The following ALK variants were observed in gnomAD, a reference collection of about 807,000 sequenced individuals.
ALK encodes the protein ALK receptor tyrosine kinase, also known as ALK tyrosine kinase receptor.
Under a neutral mutation model 163.1 loss-of-function variants are expected in ALK, and 74 were observed. That is an observed-to-expected ratio of 0.45 (90% confidence interval 0.38 to 0.55). The LOEUF (loss-of-function observed/expected upper bound fraction) is 0.55, where lower values mean the gene tolerates loss of function less well. ALK is among the 20% of genes least tolerant of loss of function. ALK has a pLI of 0.00. For synonymous variants in ALK, 960 were observed against 843.2 expected (o/e 1.14, Z -2.40); for missense variants, 2,063 against 2,105.3 (o/e 0.98, Z 0.39).
At chr2:29,778,135 C>A (rs1168501952) in intron 1 of ALK, among the ~76,000 whole-genome samples, 1 of 152,186 alleles carries the variant, frequency 6.6e-6, no homozygotes, top group Non-Finnish European at 1.5e-5. Context: ...GACAGGACAA[C>A]AAGTCTAGGA....
chr2:29,286,300 T>C (rs377384772), intron 9 of ALK: 2 of 152,316 alleles, frequency 1.3e-5, no homozygotes, highest in East Asian at 1.9e-4. Flanking sequence ...AGGCTTAATA[T>C]ATGTTTGCCG....
intron 3 of ALK, among the ~76,000 whole-genome samples, chr2:29,544,830 G>A (rs143350393): frequency 4.8e-4 from 73 of 152,132 alleles, no homozygotes; most frequent in African/African-American, 1.6e-3. Context: ...TCAGAATGTC[G>A]TAACTAGACA....
rs2631945 is a variant in ALK, at chr2:29,763,275, C to G, written c.668-45578G>C. Among the ~76,000 whole-genome samples, 726 of 152,052 alleles carry G rather than the reference C, an allele frequency of 4.8e-3. 1 individual carries two copies. The highest frequency in any genetic ancestry group is 7.2e-3 in the Non-Finnish European group (487 of 67,982). ...GTTGCTTTGAGGAGTACATGAAATGCATGGTATCAGTATAGAATGAGGCCC... is the reference window on the plus strand; with the variant it reads ...GTTGCTTTGAGGAGTACATGAAATGGATGGTATCAGTATAGAATGAGGCCC... On this transcript the variant is annotated intron_variant, in intron 1 of 28. Coordinates refer to ENST00000389048, the MANE Select transcript of ALK (RefSeq NM_004304.5).
intron 8 of ALK, among the ~76,000 whole-genome samples, chr2:29,300,554 CAAAAA>C (rs10715550): frequency 2.1e-5 from 2 of 95,522 alleles, no homozygotes. Context: ...GACTCTGTCT[CAAAAA>C]AAAAAAAAAA....
At chr2:29,450,918 G>A (rs1298322220) in intron 4 of ALK, among the ~76,000 whole-genome samples, 1 of 151,272 alleles carries the variant, frequency 6.6e-6, no homozygotes, top group Non-Finnish European at 1.5e-5. Context: ...TGAAGTGAGA[G>A]TCCGTGGGGG....
At chr2:29,540,703 G>C (rs371959540) in intron 3 of ALK, among the ~76,000 whole-genome samples, 101 of 150,828 alleles carry the variant, frequency 6.7e-4, no homozygotes, top group African/African-American at 2.4e-3. Context: ...ACTGAATCCT[G>C]ACTTCTTTCT....
chr2:29,341,216 C>G (rs1311879076), intron 5 of ALK, among the ~76,000 whole-genome samples: 1 of 152,196 alleles, frequency 6.6e-6, no homozygotes, highest in African/African-American at 2.4e-5. Flanking sequence ...CATTTGTTCA[C>G]ATAAAAAGCA....
chr2:29,200,760 T>TATACGTATATATGTATATATATAC (rs1553389059), intron 26 of ALK, among the ~76,000 whole-genome samples: 3 of 104,968 alleles, frequency 2.9e-5, no homozygotes, highest in African/African-American at 1.1e-4. Context: ...TACGTATATA[T>TATACGTATATATGTATATATATAC]GTATATATAT....
At chr2:29,611,387 T>C (rs180971024) in intron 3 of ALK, among the ~76,000 whole-genome samples, 59 of 152,332 alleles carry the variant, frequency 3.9e-4, no homozygotes, top group African/African-American at 1.3e-3. Context: ...ATCTACTATG[T>C]GCCCATCAAA....
chr2:29,759,779 C>T (rs1202154263), intron 1 of ALK, among the ~76,000 whole-genome samples: 1 of 152,170 alleles, frequency 6.6e-6, no homozygotes, highest in Non-Finnish European at 1.5e-5. Flanking sequence ...TTATTTAACA[C>T]TGAAGATTAA....
chr2:29,665,765 G>A (rs1197790203), intron 3 of ALK, among the ~76,000 whole-genome samples: 1 of 151,988 alleles, frequency 6.6e-6, no homozygotes, highest in Non-Finnish European at 1.5e-5. Context: ...GGCTTCCCCT[G>A]GGACCCAGAA....
chr2:29,250,598 C>G (rs78675108), intron 12 of ALK, among the ~76,000 whole-genome samples: 1 of 152,122 alleles, frequency 6.6e-6, no homozygotes, highest in African/African-American at 2.4e-5. Flanking sequence ...CTCGTTCCAG[C>G]CTGGCTCTGC....
chr2:29,650,513 C>T (rs1485908148), intron 3 of ALK, among the ~76,000 whole-genome samples: 1 of 152,168 alleles, frequency 6.6e-6, no homozygotes, highest in African/African-American at 2.4e-5. Flanking sequence ...GCTTCCTTAA[C>T]AATCGACTTC....
rs11325298 is a variant in ALK at position 29,470,685 on chromosome 2, ATTT to A, written c.1154+61227_1154+61229del. 4.6e-3 allele frequency among the ~76,000 whole-genome samples: 690 copies of A among 148,766 alleles called. 4 individuals carry two copies. Among genetic ancestry groups the A allele is most frequent in the African/African-American group, 0.012 (494 of 40,518 alleles). ...AAGACATTTCAGACAAAACAGCTGA[ATTT>A]TTTTTTTTTTTTGCCAGCAGACCCT... On this transcript the variant is annotated intron_variant, in intron 4 of 28. Transcript: ENST00000389048.
chr2:29,195,652 T>C (rs1005452267), intron 28 of ALK, among the ~76,000 whole-genome samples: 1 of 152,172 alleles, frequency 6.6e-6, no homozygotes, highest in Non-Finnish European at 1.5e-5. Context: ...GGAGAATCGC[T>C]TGAACCCGGG....
At chr2:29,194,338 G>C (rs34802071) in intron 28 of ALK, among the ~76,000 whole-genome samples, 5,322 of 152,200 alleles carry the variant, frequency 0.035, 112 homozygotes, top group Non-Finnish European at 0.054. Flanking sequence ...GAGTGATGGT[G>C]GGGGGCTGGG....
At chr2:29,225,588 G>A (rs1573129144) in intron 18 of ALK, 23 bp from the exon 19 acceptor site, 12 of 1,592,268 alleles carry the variant, frequency 7.5e-6, no homozygotes, top group Non-Finnish European at 1.0e-5. Flanking sequence ...TCCCACTGGG[G>A]TATTGACAAC....
At chr2:29,652,754 G>A (rs1677070821) in intron 3 of ALK, among the ~76,000 whole-genome samples, 1 of 152,150 alleles carries the variant, frequency 6.6e-6, no homozygotes, top group Non-Finnish European at 1.5e-5. Flanking sequence ...ACAGGGTTCA[G>A]AGAGCTTGTG....
chr2:29,360,565 T>C (rs901283042), intron 5 of ALK, among the ~76,000 whole-genome samples: 1 of 152,186 alleles, frequency 6.6e-6, no homozygotes, highest in African/African-American at 2.4e-5. Context: ...ATTGGGCATC[T>C]TTCCCGTGTA....
Sources: allele counts gnomAD v4.1 joint callset (sites outside exome capture counted in the v4.1 genomes callset), GRCh38; gene constraint gnomAD v4.1.1; transcripts MANE v1.5; gene names NCBI Gene and HGNC (gene_info 2026-07-23, HGNC 2026-07-21).